Variants in CAPS2 observed in about 807,000 individuals in gnomAD.
CAPS2 encodes calcyphosine 2.
Under a neutral mutation model 86.5 loss-of-function variants are expected in CAPS2, and 98 were observed. That is an observed-to-expected ratio of 1.13 (90% confidence interval 0.96 to 1.34). The LOEUF (loss-of-function observed/expected upper bound fraction) is 1.34. Ranked by LOEUF, CAPS2 falls within the 40% of genes most tolerant of loss-of-function variation. The pLI is 0.00. For missense variants in CAPS2, 729 were observed against 686.8 expected (o/e 1.06, Z -0.69); for synonymous variants, 210 against 225.1 (o/e 0.93, Z 0.60).
At chr12:75,357,082 C>T (rs930739984) in intron 1 of CAPS2, among the ~76,000 whole-genome samples, 7 of 152,048 alleles carry the variant, frequency 4.6e-5, no homozygotes, top group Admixed American at 3.9e-4. Flanking sequence ...TTCAGTTACT[C>T]AGGAGGCTGA....
intron 1 of CAPS2, among the ~76,000 whole-genome samples, chr12:75,339,633 T>C (rs2041969388): frequency 6.6e-6 from 1 of 152,228 alleles, no homozygotes; most frequent in Non-Finnish European, 1.5e-5. Context: ...GCAATTGCTT[T>C]TGATGTTTTC....
At chr12:75,305,538 C>T in intron 7 of CAPS2, 1 of 619,868 alleles carries the variant, frequency 1.6e-6, no homozygotes, top group Admixed American at 2.0e-5. Context: ...TTCCGGTAGG[C>T]GTTCCTCCGT....
intron 1 of CAPS2, among the ~76,000 whole-genome samples, chr12:75,341,160 A>G (rs894761807): frequency 6.6e-6 from 1 of 152,186 alleles, no homozygotes; most frequent in Non-Finnish European, 1.5e-5. Context: ...CCTGCTCACA[A>G]ATATTTATGG....
chr12:75,276,633 C>G, downstream of CAPS2: 1 of 858,696 alleles, frequency 1.2e-6, no homozygotes, highest in Non-Finnish European at 1.4e-6. Context: ...TATAATATAC[C>G]TTGTCTTTTT....
chr12:75,339,620 G>A (rs186925099), intron 1 of CAPS2, among the ~76,000 whole-genome samples: 127 of 152,072 alleles, frequency 8.4e-4, no homozygotes, highest in African/African-American at 2.9e-3. Flanking sequence ...TTTTGTTTTT[G>A]TTGCAATTGC....
chr12:75,304,969 C>T (rs1489682044), intron 7 of CAPS2, 93 bp from the exon 8 acceptor site: 4 of 1,057,804 alleles, frequency 3.8e-6, no homozygotes, highest in East Asian at 5.4e-5. Context: ...AGCTCATATA[C>T]CAAATGCAAA....
At chr12:75,333,894 G>C (rs1432188628), upstream of CAPS2, 4 of 152,148 alleles carry the variant, frequency 2.6e-5, no homozygotes, top group Non-Finnish European at 5.9e-5. Context: ...CAATATAACT[G>C]ATGTAATGAA....
intron 1 of CAPS2, among the ~76,000 whole-genome samples, chr12:75,379,440 A>G (rs547183493): frequency 6.6e-6 from 1 of 152,274 alleles, no homozygotes; most frequent in Non-Finnish European, 1.5e-5. Context: ...TGTGATCTTA[A>G]CAACAGCCTC....
At chr12:75,304,794 G>C in exon 8 of CAPS2, 1 of 1,605,836 alleles carries the variant, frequency 6.2e-7, no homozygotes, top group Non-Finnish European at 8.5e-7. Context: ...AATCGAAGAG[G>C]TGTCATCTTT....
intron 7 of CAPS2, among the ~76,000 whole-genome samples, chr12:75,311,219 A>G (rs2039127095): frequency 6.6e-6 from 1 of 152,230 alleles, no homozygotes. Flanking sequence ...AGGCCAGTTA[A>G]GCAGTCCCTG....
At chr12:75,358,838 T>C (rs559204622) in intron 1 of CAPS2, among the ~76,000 whole-genome samples, 3 of 143,932 alleles carry the variant, frequency 2.1e-5, no homozygotes, top group East Asian at 3.9e-4. Context: ...TATATAACAA[T>C]ATATAATATA....
intron 1 of CAPS2, among the ~76,000 whole-genome samples, chr12:75,356,820 C>T (rs2043185960): frequency 6.6e-6 from 1 of 151,980 alleles, no homozygotes; most frequent in African/African-American, 2.4e-5. Context: ...TTCTTTTTTT[C>T]ACTTTGAATA....
At chr12:75,287,966 T>C (rs770140247) in intron 14 of CAPS2, among the ~76,000 whole-genome samples, 5 of 152,164 alleles carry the variant, frequency 3.3e-5, no homozygotes, top group Admixed American at 6.5e-5. Context: ...AATGTCAGAA[T>C]TGAATTGAAT....
intron 1 of CAPS2, among the ~76,000 whole-genome samples, chr12:75,351,987 G>A (rs532278649): frequency 3.1e-4 from 47 of 152,274 alleles, no homozygotes; most frequent in Admixed American, 6.5e-4. Flanking sequence ...GGCCTGCCTT[G>A]CAAGAGCTCC....
chr12:75,332,934 T>C (rs901269294), upstream of CAPS2, among the ~76,000 whole-genome samples: 1 of 152,138 alleles, frequency 6.6e-6, no homozygotes, highest in Admixed American at 6.5e-5. Flanking sequence ...TGAAGGGAAC[T>C]CTATAAAGAG....
chr12:75,331,831 G>A (rs1451338651), upstream of CAPS2, among the ~76,000 whole-genome samples: 1 of 151,948 alleles, frequency 6.6e-6, no homozygotes, highest in East Asian at 1.9e-4. Context: ...CCAAAGTGCT[G>A]GGATTACAGG....
chr12:75,354,518 G>C (rs564060592), intron 1 of CAPS2, among the ~76,000 whole-genome samples: 3 of 152,290 alleles, frequency 2.0e-5, no homozygotes, highest in Admixed American at 2.0e-4. Flanking sequence ...CATGTTCATG[G>C]ATAGTAAGAA....
intron 7 of CAPS2, chr12:75,305,393 G>A: frequency 2.5e-6 from 1 of 405,144 alleles, no homozygotes; most frequent in Non-Finnish European, 4.6e-6. Flanking sequence ...GGCGGAGGGA[G>A]GGCAGACTCA....
At chr12:75,379,823 T>A (rs1267902666) in intron 1 of CAPS2, among the ~76,000 whole-genome samples, 3 of 148,342 alleles carry the variant, frequency 2.0e-5, no homozygotes, top group Non-Finnish European at 4.4e-5. Context: ...TTCTCTGTAG[T>A]TTATTATTAT....
Sources: gnomAD v4.1 joint callset for allele counts (sites outside exome capture counted in the v4.1 genomes callset) on GRCh38, gnomAD v4.1.1 for gene constraint, MANE v1.5 for transcripts, NCBI Gene and HGNC (gene_info 2026-07-23, HGNC 2026-07-21) for gene names.